Variants in SOX8 observed in about 807,000 individuals in gnomAD.
The protein encoded by SOX8 is SRY-box transcription factor 8.
In SOX8, 9 loss-of-function variants were observed where a neutral mutation model predicts 22.9. The observed-to-expected ratio is 0.39, with a 90% CI of 0.24 to 0.69. SOX8 has a LOEUF of 0.69. Among genes scored for constraint, SOX8 ranks in the 30% least tolerant of loss-of-function variants. The probability of loss-of-function intolerance (pLI) is 0.43; values close to 1 mark genes in which losing one functional copy is unlikely to be tolerated. For missense variants in SOX8, 734 were observed against 699.4 expected (o/e 1.05, Z -0.56); for synonymous variants, 416 against 330.6 (o/e 1.26, Z -2.80).
rs767270407 is a variant in SOX8, at chr16:983,722, C to T, written c.423-6C>T. On this transcript the variant is annotated splice_polypyrimidine_tract_variant and splice_region_variant and intron_variant, in intron 1 of 2. Transcript: ENST00000293894. ...TGGCCATCCCTGCCTCTGCCCTGTG[C>T]TGCAGCTTGCTGAGCGAGAGCGAGA... The T allele has an allele frequency of 1.2e-6, 2 of 1,611,006 alleles. No individual in the cohort carries two copies. Among genetic ancestry groups the T allele is most frequent in the Non-Finnish European group, 1.7e-6 (2 of 1,178,858 alleles).
At chr16:983,985 C>CT (rs1283651834) in intron 2 of SOX8, 25 bp downstream of exon 2, 1 of 1,470,478 alleles carries the variant, frequency 6.8e-7, no homozygotes, top group East Asian at 2.5e-5. Flanking sequence ...CCCCGCATAT[C>CT]TGAGGGTCCC....
At chr16:982,525 G>C in intron 1 of SOX8, 181 bp downstream of exon 1, 1 of 619,338 alleles carries the variant, frequency 1.6e-6, no homozygotes, top group Non-Finnish European at 2.4e-6. Context: ...CTGGCCAGCC[G>C]GGGTCCGGCG....
chr16:982,154 G>A lies in SOX8; in HGVS notation c.232G>A (p.Gly78Ser). The change falls in exon 1 of 3, where the codon GGC becomes AGC. Residue 78 changes from glycine to serine, a missense_variant. Physicochemically the swap from Gly to Ser is moderately conservative, Grantham distance 56. Transcript: ENST00000293894. Reference protein sequence around the residue: ...IRDAVSQVLKGYDWSLVPMPV... With the variant: ...IRDAVSQVLKSYDWSLVPMPV... ...CGACGCCGTGTCGCAGGTGCTCAAG[G>A]GCTACGACTGGAGTCTGGTGCCCAT... 5 of 1,488,708 alleles carry A rather than the reference G, an allele frequency of 3.4e-6. No individual in the cohort carries two copies. The highest frequency in any genetic ancestry group is 4.4e-6 in the Non-Finnish European group (5 of 1,125,012). The allele number at this position is 1,488,708 out of a possible 1,614,324, so 92.2% of individuals were successfully genotyped here. A position where few individuals can be genotyped will look rare whatever the true frequency, so the allele number is the denominator to read the frequency against.
chr16:985,224 T>C lies in SOX8; in HGVS notation c.1179T>C (p.Gly393=), dbSNP rs1254724185. ...ACCTGCAGGCCTCCAGCTACTATGGTGCCTACCCTGGCTACGCACCCGGCC... is the reference window on the plus strand; with the variant it reads ...ACCTGCAGGCCTCCAGCTACTATGGCGCCTACCCTGGCTACGCACCCGGCC... The part of the protein sequence containing the change: ...YGDLQASSYY[G]AYPGYAPGLY... The change falls in exon 3 of 3, where the codon GGT becomes GGC. Residue 393 remains glycine, a synonymous_variant. Transcript: ENST00000293894. 6 of 1,611,896 alleles carry C rather than the reference T, an allele frequency of 3.7e-6. No individual in the cohort carries two copies. Among genetic ancestry groups the C allele is most frequent in the Non-Finnish European group, 5.1e-6 (6 of 1,179,578 alleles).
intron 1 of SOX8, chr16:983,446 GC>G (rs2073425571): frequency 3.3e-6 from 1 of 305,542 alleles, no homozygotes; most frequent in Non-Finnish European, 6.0e-6. Context: ...GGAACAGCAG[GC>G]CCGGAATAGG....
At position 981,876 on chromosome 16, in the gene SOX8, G is replaced by A. The variant is rs2073390002; in HGVS notation, c.-47G>A. ...CGACCGCAGGGCAGCCCCGGGCGCC[G>A]GCCCCGGTGCGCGTCTCCTGTGCGC... On this transcript the variant is annotated 5_prime_UTR_variant, in exon 1 of 3. Transcript: ENST00000293894. The A allele has an allele frequency of 4.4e-6, 5 of 1,129,650 alleles. No individual in the cohort carries two copies. The highest frequency in any genetic ancestry group is 5.4e-6 in the Non-Finnish European group (5 of 920,708). The allele number at this position is 1,129,650 out of a possible 1,614,324, so 70.0% of individuals were successfully genotyped here.
rs770854582 is a variant in SOX8 at position 985,401 on chromosome 16, G to A, written c.*15G>A. The A allele has an allele frequency of 6.7e-5, 101 of 1,511,954 alleles. 1 individual carries two copies. The Admixed American group carries it at 1.2e-3, about 17-fold the overall frequency. The allele number at this position is 1,511,954 out of a possible 1,614,324, so 93.7% of individuals were successfully genotyped here. ...CCAGGCCCTGAGGGCCCAGCCGCGG[G>A]GAGGGACTCGCAGGCGTCAGGGGGC... is the stretch of plus-strand genomic sequence containing the variant. On this transcript the variant is annotated 3_prime_UTR_variant, in exon 3 of 3. Coordinates refer to ENST00000293894, the MANE Select transcript of SOX8 (RefSeq NM_014587.5).
At chr16:984,080 T>G in intron 2 of SOX8, 120 bp downstream of exon 2, 3 of 874,368 alleles carry the variant, frequency 3.4e-6, no homozygotes, top group Non-Finnish European at 4.9e-6. Context: ...GAACCGGGCC[T>G]TCCCCGGGTT....
In SOX8 at chr16:981,884, T is replaced by C; in HGVS notation, c.-39T>C. The C allele has an allele frequency of 8.7e-7, 1 of 1,149,802 alleles. No homozygotes were observed. Among genetic ancestry groups the C allele is most frequent in the Non-Finnish European group, 1.1e-6 (1 of 935,592 alleles). The allele number at this position is 1,149,802 out of a possible 1,614,324, so 71.2% of individuals were successfully genotyped here. On this transcript the variant is annotated 5_prime_UTR_variant, in exon 1 of 3. Coordinates refer to ENST00000293894, the MANE Select transcript of SOX8 (RefSeq NM_014587.5). Reference sequence around the variant, plus strand: ...GGGCAGCCCCGGGCGCCGGCCCCGGTGCGCGTCTCCTGTGCGCGCCCCTCC... The same window carrying C: ...GGGCAGCCCCGGGCGCCGGCCCCGGCGCGCGTCTCCTGTGCGCGCCCCTCC...
Position 984,867 on chromosome 16 carries a change from G to A in SOX8, c.822G>A (p.Met274Ile), listed in dbSNP as rs1159544535. Residue 274 changes from methionine to isoleucine, a missense_variant, in exon 3 of 3, where the codon ATG (methionine) becomes ATA (isoleucine). Around this residue, in one of 3 missense-constraint regions of SOX8, gnomAD observed 588 missense variants for 568.2 expected, o/e 1.03. Transcript: ENST00000293894. The part of the protein sequence containing the change: ...VDISELSSEV[M>I]GTMDAFDVHE... Reference sequence around the variant, plus strand: ...TCTCGGAGCTCAGCAGCGAGGTCATGGGCACCATGGACGCCTTCGACGTCC... The same window carrying A: ...TCTCGGAGCTCAGCAGCGAGGTCATAGGCACCATGGACGCCTTCGACGTCC... 1 of 1,612,038 alleles carries A rather than the reference G, an allele frequency of 6.2e-7. No individual in the cohort carries two copies. The highest frequency in any genetic ancestry group is 8.5e-7 in the Non-Finnish European group (1 of 1,179,468).
Position 982,074 on chromosome 16 carries a change from G to T in SOX8, c.152G>T (p.Gly51Val), listed in dbSNP as rs1473338369. 7 of 1,295,590 alleles carry T rather than the reference G, an allele frequency of 5.4e-6. No homozygotes were observed. In the African/African-American group the frequency reaches 7.8e-5, roughly 14 times the overall value. The allele number at this position is 1,295,590 out of a possible 1,614,324, so 80.3% of individuals were successfully genotyped here. ...GGCCGCGCGGGGGTCGCGGTGGGGG[G>T]CGCCCGGGGCGACCCGGCGGAGGCG... is the stretch of plus-strand genomic sequence containing the variant. ...GLGRAGVAVG[G>V]ARGDPAEAAD... is the part of the protein sequence containing the mutation. The change falls in exon 1 of 3, where the codon GGC becomes GTC. Residue 51 changes from glycine (G) to valine (V), a missense_variant. Gly to Val is a moderately radical substitution (Grantham distance 109). Coordinates refer to ENST00000293894, the MANE Select transcript of SOX8 (RefSeq NM_014587.5).
rs373891598 is a variant in SOX8 at position 984,811 on chromosome 16, C to T, written c.766C>T (p.Arg256Cys). The change falls in exon 3 of 3, where the codon CGC (arginine) becomes TGC (cysteine). Residue 256 changes from arginine to cysteine, a missense_variant. Coordinates refer to ENST00000293894, the MANE Select transcript of SOX8 (RefSeq NM_014587.5). ...GGGACGCCGGCCGGTGGACAGCGGG[C>T]GCCAGAACATCGACTTCAGCAACGT... is the stretch of plus-strand genomic sequence containing the variant. Reference protein sequence around the residue: ...LEGRRPVDSGRQNIDFSNVDI... With the variant: ...LEGRRPVDSGCQNIDFSNVDI... The T allele has an allele frequency of 6.8e-6, 11 of 1,611,956 alleles. No homozygotes were observed. Among genetic ancestry groups the T allele is most frequent in the Non-Finnish European group, 7.6e-6 (9 of 1,179,530 alleles).
In SOX8 at chr16:985,310, G is replaced by T; in HGVS notation, c.1265G>T (p.Gly422Val). ...CCCTACGCCTCACCCCTGCTCAACG[G>T]CCTGGCCCTGCCGCCCGCCCACAGC... is the stretch of plus-strand genomic sequence containing the variant. The part of the protein sequence containing the change: ...RRPYASPLLN[G>V]LALPPAHSPT... The change falls in exon 3 of 3, where the codon GGC (glycine) becomes GTC (valine). Residue 422 changes from glycine (G) to valine (V), a missense_variant. Gly to Val is a moderately radical substitution (Grantham distance 109). Around this residue, in one of 3 missense-constraint regions of SOX8, gnomAD observed 588 missense variants for 568.2 expected, o/e 1.03. Coordinates refer to ENST00000293894, the MANE Select transcript of SOX8 (RefSeq NM_014587.5). The T allele has an allele frequency of 3.1e-6, 5 of 1,604,354 alleles. No individual in the cohort carries two copies. Among genetic ancestry groups the T allele is most frequent in the Non-Finnish European group, 4.2e-6 (5 of 1,178,186 alleles).
chr16:985,272 C>G lies in SOX8; in HGVS notation c.1227C>G (p.His409Gln). 1 of 1,611,790 alleles carries G rather than the reference C, an allele frequency of 6.2e-7. No homozygotes were observed. The highest frequency in any genetic ancestry group is 8.5e-7 in the Non-Finnish European group (1 of 1,179,596). Residue 409 changes from histidine (H) to glutamine (Q), a missense_variant, in exon 3 of 3, where the codon CAC becomes CAG. By Grantham distance (24) the His-to-Gln change is conservative (BLOSUM62 0). Coordinates refer to ENST00000293894, the MANE Select transcript of SOX8 (RefSeq NM_014587.5). ...GCCTCTACCAGTACCCCTGCTTCCA[C>G]TCGCCGCGCCGGCCCTACGCCTCAC... is the stretch of plus-strand genomic sequence containing the variant. ...APGLYQYPCFHSPRRPYASPL... is the reference protein window; with the variant it reads ...APGLYQYPCFQSPRRPYASPL...
rs968005275 is a variant in SOX8, at chr16:985,152, G to A, written c.1107G>A (p.Pro369=). 5.9e-5 allele frequency: 94 copies of A among 1,604,164 alleles called. No homozygotes were observed. Among genetic ancestry groups the A allele is most frequent in the Admixed American group, 1.7e-4 (10 of 59,496 alleles). ...GSCSGQSSAT[P]AAPAGPFAGS... ...GCAGCGGCCAGTCCAGCGCCACCCCGGCCGCCCCCGCCGGCCCCTTCGCCG... is the reference window on the plus strand; with the variant it reads ...GCAGCGGCCAGTCCAGCGCCACCCCAGCCGCCCCCGCCGGCCCCTTCGCCG... The change falls in exon 3 of 3, where the codon CCG becomes CCA. Residue 369 remains proline (P), a synonymous_variant. Transcript: ENST00000293894.
chr16:986,794 T>A lies in SOX8; in HGVS notation c.*1408T>A, dbSNP rs2073466145. On this transcript the variant is annotated 3_prime_UTR_variant, in exon 3 of 3. Transcript: ENST00000293894. The stretch of plus-strand genomic sequence containing the variant: ...AAAAAAAAGATAATGCCTCTGCTTC[T>A]ATTTCTCTGGGGGTGGGGGTGGGGG... 1 of 150,454 alleles carries A rather than the reference T, an allele frequency of 6.6e-6. No homozygotes were observed. The highest frequency in any genetic ancestry group is 2.2e-4 in the South Asian group (1 of 4,638). The allele number at this position is 150,454 out of a possible 1,614,324, so 9.3% of individuals were successfully genotyped here. A position where few individuals can be genotyped will look rare whatever the true frequency, so the allele number is the denominator to read the frequency against.
chr16:985,400 G>C lies in SOX8; in HGVS notation c.*14G>C, dbSNP rs1341944791. On this transcript the variant is annotated 3_prime_UTR_variant, in exon 3 of 3. Transcript: ENST00000293894. ...ACCAGGCCCTGAGGGCCCAGCCGCG[G>C]GGAGGGACTCGCAGGCGTCAGGGGG... 1.3e-6 allele frequency: 2 copies of C among 1,515,894 alleles called. No homozygotes were observed. Among genetic ancestry groups the C allele is most frequent in the East Asian group, 2.5e-5 (1 of 40,742 alleles). The allele number at this position is 1,515,894 out of a possible 1,614,324, so 93.9% of individuals were successfully genotyped here.
In SOX8 at chr16:983,831, A is replaced by G. The variant is rs1232443173; in HGVS notation, c.526A>G (p.Arg176Gly). 1 of 1,612,830 alleles carries G rather than the reference A, an allele frequency of 6.2e-7. No homozygotes were observed. The highest frequency in any genetic ancestry group is 8.5e-7 in the Non-Finnish European group (1 of 1,179,828). Residue 176 changes from arginine (R) to glycine (G), a missense_variant, in exon 2 of 3, where the codon AGG (arginine) becomes GGG (glycine). Arg to Gly is a moderately radical substitution (Grantham distance 125, BLOSUM62 -2). Coordinates refer to ENST00000293894, the MANE Select transcript of SOX8 (RefSeq NM_014587.5). ...HPDYKYQPRRRKSAKAGHSDS... is the reference protein window; with the variant it reads ...HPDYKYQPRRGKSAKAGHSDS... ...CGACTACAAGTACCAGCCACGGCGC[A>G]GGAAGAGCGCCAAAGCCGGCCACAG...
Position 982,134 on chromosome 16 carries a change from C to T in SOX8, c.212C>T (p.Ala71Val). The change falls in exon 1 of 3, where the codon GCC becomes GTC. Residue 71 changes from alanine (A) to valine (V), a missense_variant. By Grantham distance (64) the Ala-to-Val change is moderately conservative. Around this residue, in one of 3 missense-constraint regions of SOX8, gnomAD observed 7 missense variants for 22.1 expected, o/e 0.32. Coordinates refer to ENST00000293894, the MANE Select transcript of SOX8 (RefSeq NM_014587.5). ...DERFPACIRD[A>V]VSQVLKGYDW... ...CGCTTCCCGGCCTGCATCCGCGACGCCGTGTCGCAGGTGCTCAAGGGCTAC... is the reference window on the plus strand; with the variant it reads ...CGCTTCCCGGCCTGCATCCGCGACGTCGTGTCGCAGGTGCTCAAGGGCTAC... 5 of 1,429,596 alleles carry T rather than the reference C, an allele frequency of 3.5e-6. No individual in the cohort carries two copies. The highest frequency in any genetic ancestry group is 1.5e-5 in the African/African-American group (1 of 67,526). The allele number at this position is 1,429,596 out of a possible 1,614,324, so 88.6% of individuals were successfully genotyped here. A position where few individuals can be genotyped will look rare whatever the true frequency, so the allele number is the denominator to read the frequency against.
Sources: gnomAD v4.1 joint callset for allele counts on GRCh38, gnomAD v4.1.1 for gene constraint, gnomAD v4.1.1 regional missense constraint, MANE v1.5 for transcripts, NCBI Gene and HGNC (gene_info 2026-07-23, HGNC 2026-07-21) for gene names.